The following SMIM7 variants were observed in gnomAD, a reference collection of about 807,000 sequenced individuals.
The protein encoded by SMIM7 is small integral membrane protein 7, also known as UPF0608 protein C19orf42.
In SMIM7, 12 loss-of-function variants were observed where a neutral mutation model predicts 13.3. The ratio of observed to expected loss-of-function variants is 0.90; its 90% CI spans 0.58 to 1.46. The LOEUF (loss-of-function observed/expected upper bound fraction) is 1.46. Among genes scored for constraint, SMIM7 ranks in the 40% most tolerant of loss-of-function variants. The pLI is 0.00. For missense variants in SMIM7, 114 were observed against 94.8 expected (o/e 1.20, Z -0.84); for synonymous variants, 36 against 35.8 (o/e 1.01, Z -0.02).
downstream of SMIM7, chr19:16,646,073 C>A (rs535840804): frequency 1.3e-5 from 2 of 149,152 alleles, no homozygotes; most frequent in African/African-American, 5.0e-5. Context: ...GTTTTTCCAG[C>A]AGGGTAAATT....
intron 3 of SMIM7, chr19:16,655,295 C>A: frequency 2.2e-6 from 1 of 456,106 alleles, no homozygotes; most frequent in Non-Finnish European, 4.4e-6. Context: ...CAATTTAGTA[C>A]GTGAAGACTC....
At chr19:16,638,906 C>T (rs1427734462) in intron 4 of SMIM7, 1 of 152,226 alleles carries the variant, frequency 6.6e-6, no homozygotes, top group Non-Finnish European at 1.5e-5. Flanking sequence ...TGAGCTACAC[C>T]TCCAACTTGC....
chr19:16,651,479 C>A (rs1416328280), intron 4 of SMIM7, among the ~76,000 whole-genome samples: 1 of 152,168 alleles, frequency 6.6e-6, no homozygotes, highest in Admixed American at 6.5e-5. Context: ...CAGACTCTGC[C>A]CCAGGAAACA....
chr19:16,651,537 C>T (rs1047179559), intron 4 of SMIM7, among the ~76,000 whole-genome samples: 1 of 152,146 alleles, frequency 6.6e-6, no homozygotes, highest in Non-Finnish European at 1.5e-5. Context: ...GAAAGTTGAG[C>T]TGGGAGGATG....
chr19:16,658,006 G>A (rs1230620479), intron 3 of SMIM7, among the ~76,000 whole-genome samples: 5 of 152,228 alleles, frequency 3.3e-5, no homozygotes, highest in Middle Eastern at 3.2e-3. Flanking sequence ...CTGCACTCCA[G>A]CCTGGGCAAC....
chr19:16,659,684 A>T (rs2086647046), intron 2 of SMIM7: 1 of 649,674 alleles, frequency 1.5e-6, no homozygotes, highest in Non-Finnish European at 2.7e-6. Flanking sequence ...TGCAGGGCGG[A>T]AGGTCCGCGG....
chr19:16,630,751 TTTAG>T (rs2122477558), exon 5 of SMIM7: 1 of 152,256 alleles, frequency 6.6e-6, no homozygotes, highest in Admixed American at 6.5e-5. Flanking sequence ...CACACGGATA[TTTAG>T]TTTTATTCCA....
intron 4 of SMIM7, chr19:16,652,559 G>A (rs1308743287): frequency 8.1e-6 from 9 of 1,117,776 alleles, no homozygotes; most frequent in South Asian, 2.7e-5. Flanking sequence ...TTGTTCCTAG[G>A]CAAGTCTCAT....
At chr19:16,636,839 G>C (rs2086364482) in intron 4 of SMIM7, among the ~76,000 whole-genome samples, 1 of 152,140 alleles carries the variant, frequency 6.6e-6, no homozygotes, top group African/African-American at 2.4e-5. Flanking sequence ...TGTAGTCCCA[G>C]CTACTCAGGA....
intron 4 of SMIM7, among the ~76,000 whole-genome samples, chr19:16,651,058 A>G (rs980669365): frequency 3.3e-5 from 5 of 152,212 alleles, no homozygotes; most frequent in African/African-American, 7.2e-5. Flanking sequence ...CCTTCAAGTT[A>G]CCTGATCCTT....
downstream of SMIM7, chr19:16,644,073 G>A (rs1169988408): frequency 6.6e-6 from 1 of 150,866 alleles, no homozygotes; most frequent in East Asian, 1.9e-4. Flanking sequence ...GCTGCATGGG[G>A]ATGGTGAAGA....
chr19:16,634,775 C>CT (rs1037941812), intron 4 of SMIM7: 4 of 67,618 alleles, frequency 5.9e-5, no homozygotes, highest in East Asian at 4.2e-4. Context: ...GAGACTCTGT[C>CT]TTAAAAAAAA....
intron 3 of SMIM7, chr19:16,655,135 T>C: frequency 2.9e-6 from 1 of 340,690 alleles, no homozygotes; most frequent in South Asian, 2.2e-5. Flanking sequence ...GTTGGATGTT[T>C]CAATTTGCTT....
chr19:16,651,338 C>T (rs555327098), intron 4 of SMIM7, among the ~76,000 whole-genome samples: 6 of 152,148 alleles, frequency 3.9e-5, no homozygotes, highest in African/African-American at 7.2e-5. Flanking sequence ...TGAACTTTTG[C>T]GAAGTTCATT....
At chr19:16,639,360 G>T (rs2086387739) in intron 4 of SMIM7, among the ~76,000 whole-genome samples, 1 of 152,042 alleles carries the variant, frequency 6.6e-6, no homozygotes, top group South Asian at 2.1e-4. Flanking sequence ...CTGACCTCAT[G>T]ATCTGCCCGC....
At chr19:16,653,842 C>T in intron 4 of SMIM7, 193 bp downstream of exon 4, 1 of 579,684 alleles carries the variant, frequency 1.7e-6, no homozygotes, top group Admixed American at 3.3e-5. Context: ...TTGCAGTGAG[C>T]CCAGATCGCA....
intron 4 of SMIM7, chr19:16,633,956 T>G (rs2086339898): frequency 6.6e-6 from 1 of 152,206 alleles, no homozygotes; most frequent in African/African-American, 2.4e-5. Flanking sequence ...TTTCCTAGAT[T>G]AGTTCTGCAT....
chr19:16,659,810 T>C (rs1481015830), intron 2 of SMIM7, 149 bp downstream of exon 2: 11 of 1,038,920 alleles, frequency 1.1e-5, no homozygotes, highest in South Asian at 4.2e-5. Flanking sequence ...GCGAGGAAGA[T>C]AAACCAGGCT....
In SMIM7 at chr19:16,650,160, CTT is replaced by C. The variant is rs141448589; in HGVS notation, c.213-2901_213-2900del. Among the ~76,000 whole-genome samples the C allele has an allele frequency of 7.0e-3, 1,072 of 152,230 alleles. 12 individuals carry two copies. Among genetic ancestry groups the C allele is most frequent in the African/African-American group, 0.023 (971 of 41,546 alleles). On this transcript the variant is annotated intron_variant, in intron 4 of 4. Transcript: ENST00000487416. ...GTTCATTTTCTCCCTAACTTTTCCT[CTT>C]GTTATTTTATGAAAATTTCAACACA...
Sources: gnomAD v4.1 joint callset for allele counts (sites outside exome capture counted in the v4.1 genomes callset) on GRCh38, gnomAD v4.1.1 for gene constraint, MANE v1.5 for transcripts, NCBI Gene and HGNC (gene_info 2026-07-23, HGNC 2026-07-21) for gene names.